The following FAM174A variants were observed in gnomAD, a reference collection of about 807,000 sequenced individuals.
The protein encoded by FAM174A is membrane protein FAM174A.
FAM174A carries 14 observed loss-of-function variants against 14.3 expected under a neutral mutation model. The observed-to-expected ratio is 0.98, with a 90% CI of 0.65 to 1.53. FAM174A has a LOEUF of 1.53. Ranked by LOEUF, FAM174A falls within the 40% of genes most tolerant of loss-of-function variation. FAM174A has a pLI of 0.00. For synonymous variants in FAM174A, 108 were observed against 111.4 expected (o/e 0.97, Z 0.19); for missense variants, 241 against 249.6 (o/e 0.97, Z 0.23).
At chr5:100,547,435 G>T (rs1185547536) in intron 1 of FAM174A, among the ~76,000 whole-genome samples, 1 of 152,078 alleles carries the variant, frequency 6.6e-6, no homozygotes, top group African/African-American at 2.4e-5. Context: ...AGCCCAGTTT[G>T]AAAACAGTCA....
chr5:100,575,375 A>G (rs1045569489), intron 2 of FAM174A, among the ~76,000 whole-genome samples: 33 of 152,218 alleles, frequency 2.2e-4, no homozygotes, highest in African/African-American at 7.0e-4. Context: ...TACATTAGGT[A>G]TATCTCCTAA....
chr5:100,558,053 C>A (rs1182524109), intron 1 of FAM174A, among the ~76,000 whole-genome samples: 2 of 152,080 alleles, frequency 1.3e-5, no homozygotes, highest in Non-Finnish European at 2.9e-5. Context: ...TAGATCTTTC[C>A]TGCTTTCTCT....
chr5:100,559,538 A>G (rs961984439), intron 1 of FAM174A, among the ~76,000 whole-genome samples: 17 of 152,078 alleles, frequency 1.1e-4, no homozygotes, highest in African/African-American at 3.6e-4. Flanking sequence ...TATCCTGCAG[A>G]GTATTTTCCA....
intron 2 of FAM174A, among the ~76,000 whole-genome samples, chr5:100,565,447 C>T (rs1746624356): frequency 6.6e-6 from 1 of 151,404 alleles, no homozygotes; most frequent in African/African-American, 2.4e-5. Flanking sequence ...GAGTTAATAT[C>T]CAAAATTTAT....
rs138368286 is a variant in FAM174A, at chr5:100,563,372, AT to A, written c.569+1188del. Among the ~76,000 whole-genome samples the A allele has an allele frequency of 8.4e-3, 1,246 of 148,046 alleles. 14 individuals carry two copies. The highest frequency in any genetic ancestry group is 0.03 in the African/African-American group (1,185 of 39,394). On this transcript the variant is annotated intron_variant, in intron 2 of 2. Transcript: ENST00000312637. Reference sequence around the variant, plus strand: ...GCTAAATTTATATCAGACAAATTAGATTTTAAGTCAAAAACTATCTCTTGAG... The same window carrying A: ...GCTAAATTTATATCAGACAAATTAGATTTAAGTCAAAAACTATCTCTTGAG...
intron 2 of FAM174A, among the ~76,000 whole-genome samples, chr5:100,583,809 T>C (rs139947032): frequency 9.8e-5 from 15 of 152,310 alleles, no homozygotes; most frequent in African/African-American, 3.6e-4. Flanking sequence ...GCATCTTCAA[T>C]GGTATATTCC....
chr5:100,547,019 G>A (rs1222995233), intron 1 of FAM174A, among the ~76,000 whole-genome samples: 1 of 151,948 alleles, frequency 6.6e-6, no homozygotes, highest in African/African-American at 2.4e-5. Context: ...ATATATATGT[G>A]CATATTTTCT....
chr5:100,535,980 G>C lies in FAM174A; in HGVS notation c.434+16G>C, dbSNP rs200948075. On this transcript the variant is annotated intron_variant, in intron 1 of 2. Transcript: ENST00000312637. ...GGACGGTCAGGTGAGGCAAAGCCTC[G>C]GTGGGGCACCCCCGTGGGCCTGAGA... 2 of 1,548,866 alleles carry C rather than the reference G, an allele frequency of 1.3e-6. No homozygotes were observed. Among genetic ancestry groups the C allele is most frequent in the African/African-American group, 2.7e-5 (2 of 73,530 alleles).
At chr5:100,547,519 GA>G (rs1173801972) in intron 1 of FAM174A, among the ~76,000 whole-genome samples, 3 of 152,200 alleles carry the variant, frequency 2.0e-5, no homozygotes, top group South Asian at 4.1e-4. Flanking sequence ...AAGGAGATGG[GA>G]AAACTGTGCT....
At chr5:100,561,678 A>T (rs1485191729) in intron 1 of FAM174A, among the ~76,000 whole-genome samples, 1 of 151,902 alleles carries the variant, frequency 6.6e-6, no homozygotes, top group Non-Finnish European at 1.5e-5. Flanking sequence ...AGTGGTAAGA[A>T]AGCGGGGAGG....
intron 2 of FAM174A, among the ~76,000 whole-genome samples, chr5:100,584,454 T>C (rs1217400747): frequency 1.3e-5 from 2 of 152,224 alleles, no homozygotes; most frequent in African/African-American, 2.4e-5. Context: ...CTGTTGCCTC[T>C]TGGTCAACAG....
chr5:100,557,638 A>G (rs1746422214), intron 1 of FAM174A, among the ~76,000 whole-genome samples: 1 of 152,098 alleles, frequency 6.6e-6, no homozygotes, highest in Admixed American at 6.6e-5. Context: ...CTATTCAGAG[A>G]TTCAACTTCT....
At chr5:100,548,604 G>A (rs466613) in intron 1 of FAM174A, among the ~76,000 whole-genome samples, 85,884 of 151,874 alleles carry the variant, frequency 0.57, 26,666 homozygotes, top group African/African-American at 0.81. Flanking sequence ...TCAGTAGTCA[G>A]CTTACTCGTG....
chr5:100,557,830 T>G (rs1383232126), intron 1 of FAM174A, among the ~76,000 whole-genome samples: 1 of 152,194 alleles, frequency 6.6e-6, no homozygotes, highest in African/African-American at 2.4e-5. Context: ...TTCTCTCTTT[T>G]TTTCTTTATT....
chr5:100,540,925 C>G (rs1447542836), intron 1 of FAM174A, among the ~76,000 whole-genome samples: 2 of 152,148 alleles, frequency 1.3e-5, no homozygotes, highest in African/African-American at 4.8e-5. Flanking sequence ...ACTACCTGCC[C>G]TGATACTATC....
chr5:100,560,501 C>T (rs1362297862), intron 1 of FAM174A, among the ~76,000 whole-genome samples: 1 of 151,998 alleles, frequency 6.6e-6, no homozygotes, highest in African/African-American at 2.4e-5. Flanking sequence ...ATATAGATAG[C>T]TCTATAGGTA....
chr5:100,554,462 G>A (rs150390843), intron 1 of FAM174A, among the ~76,000 whole-genome samples: 1,660 of 151,336 alleles, frequency 0.011, 31 homozygotes, highest in African/African-American at 0.039. Context: ...GATTACAGGC[G>A]CACACCACCA....
intron 2 of FAM174A, among the ~76,000 whole-genome samples, chr5:100,573,620 G>T (rs2112397995): frequency 6.6e-6 from 1 of 151,342 alleles, no homozygotes; most frequent in Non-Finnish European, 1.5e-5. Flanking sequence ...AGGGTAGGAA[G>T]AATCAATATC....
At chr5:100,562,343 C>G (rs1346221945) in intron 2 of FAM174A, among the ~76,000 whole-genome samples, 155 bp downstream of exon 2, 1 of 151,960 alleles carries the variant, frequency 6.6e-6, no homozygotes, top group African/African-American at 2.4e-5. Context: ...TACCCCATAG[C>G]TCACATTCAC....
Sources: gnomAD v4.1 joint callset for allele counts (sites outside exome capture counted in the v4.1 genomes callset) on GRCh38, gnomAD v4.1.1 for gene constraint, MANE v1.5 for transcripts, NCBI Gene and HGNC (gene_info 2026-07-23, HGNC 2026-07-21) for gene names.